LRRTM4: variants seen among roughly 807,000 people sequenced by gnomAD.
LRRTM4 encodes leucine rich repeat transmembrane neuronal 4.
In LRRTM4, 25 loss-of-function variants were observed where a neutral mutation model predicts 47.6. The ratio of observed to expected loss-of-function variants is 0.53; its 90% confidence interval spans 0.38 to 0.73. The LOEUF (loss-of-function observed/expected upper bound fraction) is 0.73, where lower values mean the gene tolerates loss of function less well. Ranked by LOEUF, LRRTM4 falls within the 30% of genes least tolerant of loss-of-function variation. LRRTM4 has a pLI of 0.00. For missense variants in LRRTM4, 638 were observed against 713.4 expected (o/e 0.89, Z 1.20); for synonymous variants, 311 against 269.5 (o/e 1.15, Z -1.51).
At chr2:77,260,062 T>C (rs1260776346) in intron 3 of LRRTM4, among the ~76,000 whole-genome samples, 1 of 152,048 alleles carries the variant, frequency 6.6e-6, no homozygotes, top group African/African-American at 2.4e-5. Context: ...ACCAGTCTAA[T>C]AGATGATAGG....
chr2:76,964,946 A>G (rs2103922382), intron 3 of LRRTM4, among the ~76,000 whole-genome samples: 1 of 151,018 alleles, frequency 6.6e-6, no homozygotes, highest in South Asian at 2.1e-4. Context: ...AATTTAGGTA[A>G]AATTAATACA....
chr2:76,882,136 C>A (rs1408697539), intron 3 of LRRTM4, among the ~76,000 whole-genome samples: 1 of 151,948 alleles, frequency 6.6e-6, no homozygotes, highest in African/African-American at 2.4e-5. Context: ...GAATTTCAGG[C>A]TAAGTTTTGT....
intron 3 of LRRTM4, among the ~76,000 whole-genome samples, chr2:77,063,854 G>A (rs2103807623): frequency 6.6e-6 from 1 of 151,986 alleles, no homozygotes; most frequent in Non-Finnish European, 1.5e-5. Context: ...CCCATCAATT[G>A]AGCAGGCTAC....
At chr2:77,235,774 C>T (rs996274535) in intron 3 of LRRTM4, among the ~76,000 whole-genome samples, 7 of 152,062 alleles carry the variant, frequency 4.6e-5, no homozygotes, top group East Asian at 1.9e-4. Context: ...ACTAGGGAGT[C>T]CTTTCCTCAT....
chr2:76,870,018 C>T (rs942688650), intron 3 of LRRTM4, among the ~76,000 whole-genome samples: 5 of 152,134 alleles, frequency 3.3e-5, no homozygotes, highest in African/African-American at 9.7e-5. Flanking sequence ...AGGCACAAAA[C>T]AATTACCCAA....
intron 3 of LRRTM4, among the ~76,000 whole-genome samples, chr2:77,299,289 G>A (rs1171079943): frequency 7.6e-5 from 10 of 132,182 alleles, no homozygotes; most frequent in East Asian, 6.5e-4. Flanking sequence ...ACACACACAC[G>A]TATATGTATA....
chr2:76,993,162 A>G (rs904476161), intron 3 of LRRTM4, among the ~76,000 whole-genome samples: 2 of 151,960 alleles, frequency 1.3e-5, no homozygotes, highest in Non-Finnish European at 2.9e-5. Flanking sequence ...TCAAACTGTA[A>G]AAATCCTAGA....
chr2:77,297,317 G>A (rs542217326), intron 3 of LRRTM4, among the ~76,000 whole-genome samples: 1 of 151,842 alleles, frequency 6.6e-6, no homozygotes, highest in Non-Finnish European at 1.5e-5. Context: ...ATTTATTTAG[G>A]TCTATAAAAA....
chr2:76,791,434 A>T (rs890331078), intron 3 of LRRTM4, among the ~76,000 whole-genome samples: 1 of 152,212 alleles, frequency 6.6e-6, no homozygotes, highest in Non-Finnish European at 1.5e-5. Context: ...GAGATGATTT[A>T]TCAGAGAATT....
chr2:77,451,829 T>C (rs573079329), intron 3 of LRRTM4, among the ~76,000 whole-genome samples: 14 of 152,308 alleles, frequency 9.2e-5, no homozygotes, highest in African/African-American at 3.4e-4. Flanking sequence ...GTTGAAGTTA[T>C]AGCTGAGACA....
intron 3 of LRRTM4, among the ~76,000 whole-genome samples, chr2:77,419,582 T>C (rs1411981238): frequency 2.0e-5 from 3 of 152,150 alleles, no homozygotes; most frequent in South Asian, 2.1e-4. Context: ...ACATGTTCAA[T>C]AGAGATGCAA....
chr2:77,370,759 C>T (rs1430267791), intron 3 of LRRTM4, among the ~76,000 whole-genome samples: 3 of 151,694 alleles, frequency 2.0e-5, no homozygotes, highest in East Asian at 3.9e-4. Flanking sequence ...CTTAAGTGCT[C>T]TTGTCGTGTC....
Position 77,008,486 on chromosome 2 carries a change from A to G in LRRTM4, c.1552-259570T>C, listed in dbSNP as rs540709961. On this transcript the variant is annotated intron_variant, in intron 3 of 3. Transcript: ENST00000409884. ...TAGATAGTCTGATTTCACCACTGATATGATATTGATCAAGCTTTTTGAATA... is the reference window on the plus strand; with the variant it reads ...TAGATAGTCTGATTTCACCACTGATGTGATATTGATCAAGCTTTTTGAATA... Among the ~76,000 whole-genome samples, 15 of 152,328 alleles carry G rather than the reference A, an allele frequency of 9.8e-5. No individual in the cohort carries two copies. In the South Asian group the frequency reaches 1.7e-3, roughly 17 times the overall value.
At chr2:76,959,162 G>A (rs763153297) in intron 3 of LRRTM4, among the ~76,000 whole-genome samples, 36 of 151,538 alleles carry the variant, frequency 2.4e-4, no homozygotes, top group Non-Finnish European at 4.4e-4. Flanking sequence ...ATGTCTTTTC[G>A]TAATCTTCAC....
At chr2:77,145,811 A>T (rs1672245005) in intron 3 of LRRTM4, among the ~76,000 whole-genome samples, 1 of 151,556 alleles carries the variant, frequency 6.6e-6, no homozygotes, top group Non-Finnish European at 1.5e-5. Flanking sequence ...AAATAAAATA[A>T]AAATAAAAAT....
intron 3 of LRRTM4, among the ~76,000 whole-genome samples, chr2:76,925,650 G>A (rs1674566538): frequency 6.6e-6 from 1 of 152,036 alleles, no homozygotes; most frequent in African/African-American, 2.4e-5. Flanking sequence ...CATTCACTCT[G>A]TGTAAAAGTG....
chr2:77,157,175 T>A (rs933255157), intron 3 of LRRTM4, among the ~76,000 whole-genome samples: 4 of 152,074 alleles, frequency 2.6e-5, no homozygotes, highest in African/African-American at 9.7e-5. Flanking sequence ...AGAGAAATGA[T>A]CAAATGTTGG....
intron 3 of LRRTM4, among the ~76,000 whole-genome samples, chr2:77,088,041 G>A (rs539429618): frequency 6.6e-6 from 1 of 152,312 alleles, no homozygotes; most frequent in Non-Finnish European, 1.5e-5. Context: ...ACAAATACAA[G>A]TAAGTGTGCT....
intron 3 of LRRTM4, among the ~76,000 whole-genome samples, chr2:77,014,489 C>A (rs1200307308): frequency 7.6e-6 from 1 of 131,852 alleles, no homozygotes; most frequent in Non-Finnish European, 1.6e-5. Flanking sequence ...GCAGAAGAAG[C>A]ATTTGTGCCC....
Sources: allele counts gnomAD v4.1 joint callset (sites outside exome capture counted in the v4.1 genomes callset), GRCh38; gene constraint gnomAD v4.1.1; transcripts MANE v1.5; gene names NCBI Gene and HGNC (gene_info 2026-07-23, HGNC 2026-07-21).